Variants in FHIT observed in about 807,000 individuals in gnomAD.
The protein encoded by FHIT is fragile histidine triad diadenosine triphosphatase.
Under a neutral mutation model 17.9 loss-of-function variants are expected in FHIT, and 19 were observed. That is an observed-to-expected ratio of 1.06 (90% CI 0.74 to 1.56). The LOEUF is 1.56. FHIT is among the 40% of genes most tolerant of loss of function. The pLI, the probability that FHIT is intolerant of heterozygous loss-of-function variation, is 0.00. For missense variants in FHIT, 248 were observed against 189.2 expected, an observed-to-expected ratio of 1.31 and a Z score of -1.82; for synonymous variants, 81 against 69.7, an observed-to-expected ratio of 1.16 and a Z score of -0.81.
rs561923537 is a variant in FHIT, at chr3:60,962,337, T to C, written c.-111+79710A>G. Among the ~76,000 whole-genome samples, 92 of 152,312 alleles carry C rather than the reference T, an allele frequency of 6.0e-4. 1 individual carries two copies. The highest frequency in any genetic ancestry group is 2.1e-3 in the African/African-American group (86 of 41,572). On this transcript the variant is annotated intron_variant, in intron 3 of 9. Transcript: ENST00000492590. The stretch of plus-strand genomic sequence containing the variant: ...AGCTTAAGGAGATTTTGGGCTGAGA[T>C]GATGGGGATTTCTAAATGTACAGTC...
intron 5 of FHIT, among the ~76,000 whole-genome samples, chr3:60,227,131 C>A (rs1029171373): frequency 1.3e-5 from 2 of 152,058 alleles, no homozygotes; most frequent in African/African-American, 4.8e-5. Context: ...AACCTAACAC[C>A]TGTTAGAAAA....
intron 3 of FHIT, among the ~76,000 whole-genome samples, chr3:60,899,326 T>C (rs1174458501): frequency 6.6e-6 from 1 of 152,246 alleles, no homozygotes; most frequent in Non-Finnish European, 1.5e-5. Flanking sequence ...GTGAAATTAA[T>C]ATTGCCTTTT....
intron 5 of FHIT, among the ~76,000 whole-genome samples, chr3:60,192,841 C>T (rs1467683137): frequency 6.6e-6 from 1 of 152,186 alleles, no homozygotes; most frequent in Non-Finnish European, 1.5e-5. Flanking sequence ...CCACGATCCA[C>T]ATTAAGAGCT....
chr3:61,155,588 T>C (rs2037512920), intron 2 of FHIT, among the ~76,000 whole-genome samples: 1 of 152,184 alleles, frequency 6.6e-6, no homozygotes, highest in African/African-American at 2.4e-5. Context: ...TCATTCATCT[T>C]CTCCTTTTTT....
chr3:59,760,722 G>C (rs1221483935), intron 8 of FHIT, among the ~76,000 whole-genome samples: 1 of 152,114 alleles, frequency 6.6e-6, no homozygotes, highest in Non-Finnish European at 1.5e-5. Flanking sequence ...CTGTCAGGGA[G>C]ACCATCAGTA....
rs534832452 is a variant in FHIT, at chr3:60,278,664, A to T, written c.103+258196T>A. Among the ~76,000 whole-genome samples, 7 of 152,236 alleles carry T rather than the reference A, an allele frequency of 4.6e-5. No homozygotes were observed. In the East Asian group the frequency reaches 1.4e-3, roughly 29 times the overall value. ...ACAGAAGCATCTGGAACTTAAAGCT[A>T]CAGCAAGCATTAAACACAGTCCAGC... On this transcript the variant is annotated intron_variant, in intron 5 of 9. Transcript: ENST00000492590.
chr3:60,333,045 A>T (rs1356517454), intron 5 of FHIT, among the ~76,000 whole-genome samples: 1 of 152,212 alleles, frequency 6.6e-6, no homozygotes. Flanking sequence ...ACAAGCTAAT[A>T]AACTGAAATG....
At chr3:61,179,690 A>G (rs568099086) in intron 2 of FHIT, among the ~76,000 whole-genome samples, 2 of 141,492 alleles carry the variant, frequency 1.4e-5, no homozygotes, top group South Asian at 2.6e-4. Flanking sequence ...TCTGGGTGAC[A>G]GAGCAAGACC....
At chr3:61,006,402 T>C (rs2031451200) in intron 3 of FHIT, among the ~76,000 whole-genome samples, 1 of 152,096 alleles carries the variant, frequency 6.6e-6, no homozygotes, top group Admixed American at 6.6e-5. Flanking sequence ...CCATAACAAA[T>C]GCTAAAAAGC....
chr3:60,104,128 G>A (rs1292824448), intron 5 of FHIT, among the ~76,000 whole-genome samples: 1 of 152,082 alleles, frequency 6.6e-6, no homozygotes, highest in Non-Finnish European at 1.5e-5. Context: ...ACTCATTTTG[G>A]GGAGGAAAAA....
intron 7 of FHIT, among the ~76,000 whole-genome samples, chr3:59,958,893 T>C (rs1010009776): frequency 6.6e-6 from 1 of 152,200 alleles, no homozygotes. Flanking sequence ...GTTTTCAGTA[T>C]CAGGATTCAA....
At chr3:60,538,320 C>A (rs920974928) in intron 4 of FHIT, among the ~76,000 whole-genome samples, 8 of 152,198 alleles carry the variant, frequency 5.3e-5, no homozygotes, top group Admixed American at 5.2e-4. Flanking sequence ...ACATTCTATG[C>A]TCATGGATAG....
At chr3:60,900,008 G>A (rs1230773355) in intron 3 of FHIT, among the ~76,000 whole-genome samples, 1 of 152,294 alleles carries the variant, frequency 6.6e-6, no homozygotes, top group East Asian at 1.9e-4. Flanking sequence ...CAGCTACTTT[G>A]CCTAGCTAAG....
chr3:61,132,038 T>G (rs1429116626), intron 2 of FHIT, among the ~76,000 whole-genome samples: 6 of 152,208 alleles, frequency 3.9e-5, no homozygotes, highest in Admixed American at 1.3e-4. Flanking sequence ...AGGGATGATA[T>G]GCTTTGAAAA....
In FHIT at chr3:60,538,228, A is replaced by G. The variant is rs139707031; in HGVS notation, c.-17-1249T>C. On this transcript the variant is annotated intron_variant, in intron 4 of 9. Coordinates refer to ENST00000492590, the MANE Select transcript of FHIT (RefSeq NM_002012.4). Reference sequence around the variant, plus strand: ...AATAAAATACCTAGGAATCTAACTTATAAGGGATGTGAAGGACCTCTTCAA... The same window carrying G: ...AATAAAATACCTAGGAATCTAACTTGTAAGGGATGTGAAGGACCTCTTCAA... 9.6e-3 allele frequency among the ~76,000 whole-genome samples: 1,459 copies of G among 152,320 alleles called. 35 individuals carry two copies. The highest frequency in any genetic ancestry group is 0.033 in the African/African-American group (1,384 of 41,568).
chr3:60,351,428 A>C (rs1187741308), intron 5 of FHIT, among the ~76,000 whole-genome samples: 1 of 152,192 alleles, frequency 6.6e-6, no homozygotes, highest in Non-Finnish European at 1.5e-5. Flanking sequence ...ATATGCAGAA[A>C]ATGAGAAAGG....
intron 5 of FHIT, among the ~76,000 whole-genome samples, chr3:60,261,277 C>T (rs1706283397): frequency 6.6e-6 from 1 of 151,954 alleles, no homozygotes; most frequent in Admixed American, 6.6e-5. Context: ...TGGATTGGTA[C>T]CCTTCCCAGT....
chr3:60,551,452 G>GAAAGAAAGAAA (rs1394122845), intron 4 of FHIT, among the ~76,000 whole-genome samples: 1 of 62,710 alleles, frequency 1.6e-5, no homozygotes, highest in African/African-American at 6.9e-5. Context: ...GAGAAAGAAA[G>GAAAGAAAGAAA]AAAGAAAGAA....
intron 5 of FHIT, chr3:60,536,657 T>C: frequency 2.1e-6 from 1 of 474,782 alleles, no homozygotes; most frequent in Non-Finnish European, 3.5e-6. Flanking sequence ...GCAACATTGA[T>C]CAAGCATATT....
Sources: gnomAD v4.1 joint callset for allele counts (sites outside exome capture counted in the v4.1 genomes callset) on GRCh38, gnomAD v4.1.1 for gene constraint, MANE v1.5 for transcripts, NCBI Gene and HGNC (gene_info 2026-07-23, HGNC 2026-07-21) for gene names.